The following CSMD1 variants were observed in gnomAD, a reference collection of about 807,000 sequenced individuals.
The protein encoded by CSMD1 is CUB and Sushi multiple domains 1.
CSMD1 carries 213 observed loss-of-function variants against 417.5 expected under a neutral mutation model. The observed-to-expected ratio is 0.51, with a 90% CI of 0.46 to 0.57. CSMD1 has a LOEUF of 0.57. Among genes scored for constraint, CSMD1 ranks in the 20% least tolerant of loss-of-function variants. The pLI is 0.00. For synonymous variants in CSMD1, 2,862 were observed against 1,736.8 expected (o/e 1.65, Z -16.11); for missense variants, 6,923 against 4,529.7 (o/e 1.53, Z -15.17).
At chr8:4,141,725 C>A (rs557560782) in intron 3 of CSMD1, among the ~76,000 whole-genome samples, 1 of 151,024 alleles carries the variant, frequency 6.6e-6, no homozygotes, top group Admixed American at 6.6e-5. Flanking sequence ...AATAATCTTG[C>A]AACTAAAAAC....
intron 2 of CSMD1, among the ~76,000 whole-genome samples, chr8:4,459,613 G>T (rs1207705994): frequency 1.3e-5 from 2 of 152,180 alleles, no homozygotes; most frequent in Non-Finnish European, 2.9e-5. Flanking sequence ...CAGAGAAGAA[G>T]ATCGCATTGT....
At chr8:3,761,434 A>G (rs1459162941) in intron 5 of CSMD1, among the ~76,000 whole-genome samples, 2 of 151,700 alleles carry the variant, frequency 1.3e-5, no homozygotes, top group Non-Finnish European at 2.9e-5. Flanking sequence ...AAAAAAACCC[A>G]TATGGTATAT....
At chr8:3,863,493 C>T (rs999354990) in intron 5 of CSMD1, among the ~76,000 whole-genome samples, 9 of 151,870 alleles carry the variant, frequency 5.9e-5, no homozygotes, top group African/African-American at 1.2e-4. Context: ...CCTCTAAATA[C>T]GAACCACATC....
intron 26 of CSMD1, among the ~76,000 whole-genome samples, chr8:3,262,782 T>C (rs1219913037): frequency 1.3e-5 from 2 of 152,162 alleles, no homozygotes; most frequent in Admixed American, 6.6e-5. Context: ...TTAATAGTTA[T>C]AAAAACATGC....
At chr8:3,523,815 A>G (rs1356816963) in intron 10 of CSMD1, among the ~76,000 whole-genome samples, 4 of 151,070 alleles carry the variant, frequency 2.6e-5, no homozygotes, top group African/African-American at 9.7e-5. Context: ...ACATACACAC[A>G]CGCACATATG....
In CSMD1 at chr8:3,387,626, G is replaced by C; in HGVS notation, c.2650C>G (p.Arg884Gly). ...LDPGIPVNGH[R>G]HGGDFGIRST... ...CTGATGCCAAAGTCTCCACCGTGGC[G>C]ATGGCCGTTCACAGGGATGCCCGGG... Residue 884 changes from arginine to glycine, a missense_variant, in exon 18 of 70, where the codon CGC (arginine) becomes GGC (glycine). By Grantham distance (125) the Arg-to-Gly change is moderately radical. Coordinates refer to ENST00000635120, the MANE Select transcript of CSMD1 (RefSeq NM_033225.6). 1 of 1,600,440 alleles carries C rather than the reference G, an allele frequency of 6.2e-7. No homozygotes were observed. Among genetic ancestry groups the C allele is most frequent in the African/African-American group, 1.3e-5 (1 of 74,770 alleles).
At chr8:3,105,942 T>C (rs1308169699) in intron 46 of CSMD1, among the ~76,000 whole-genome samples, 1 of 152,252 alleles carries the variant, frequency 6.6e-6, no homozygotes, top group African/African-American at 2.4e-5. Context: ...AACTTTGCCA[T>C]GTTTGAACAT....
intron 27 of CSMD1, among the ~76,000 whole-genome samples, chr8:3,229,286 C>T (rs7845677): frequency 0.35 from 53,461 of 152,030 alleles, 10,305 homozygotes; most frequent in Admixed American, 0.47. Context: ...TAAACTGTGA[C>T]AGTTACTTAA....
chr8:3,325,695 G>T (rs1264805527), intron 23 of CSMD1, among the ~76,000 whole-genome samples: 7 of 152,166 alleles, frequency 4.6e-5, no homozygotes, highest in Non-Finnish European at 1.0e-4. Context: ...ATGGTGGCAG[G>T]CGCCTATAAT....
At position 3,994,447 on chromosome 8, in the gene CSMD1, G is replaced by GGAA. The variant is rs776782494; in HGVS notation, c.818+3455_818+3456insTTC. ...TAGGCTACACCATCAAATCTCTTCA[G>GGAA]AAAAAAAAAAAAAAAAAAAGAACAC... On this transcript the variant is annotated intron_variant, in intron 5 of 69. Coordinates refer to ENST00000635120, the MANE Select transcript of CSMD1 (RefSeq NM_033225.6). 3.3e-3 allele frequency among the ~76,000 whole-genome samples: 394 copies of GGAA among 119,112 alleles called. 10 individuals carry two copies. The highest frequency in any genetic ancestry group is 0.01 in the African/African-American group (347 of 33,164). 78.1% of individuals were successfully genotyped at this position (119,112 alleles called of 152,430 possible). A position where few individuals can be genotyped will look rare whatever the true frequency, so the allele number is the denominator to read the frequency against.
At chr8:3,830,569 G>A (rs1802319654) in intron 5 of CSMD1, among the ~76,000 whole-genome samples, 1 of 152,090 alleles carries the variant, frequency 6.6e-6, no homozygotes, top group Non-Finnish European at 1.5e-5. Context: ...CCTCCAATAA[G>A]TTATTATTGA....
intron 5 of CSMD1, among the ~76,000 whole-genome samples, chr8:3,985,543 C>T (rs1055165563): frequency 5.9e-5 from 9 of 152,068 alleles, no homozygotes; most frequent in African/African-American, 1.9e-4. Context: ...TCATTTTACT[C>T]CATGGATTGC....
At chr8:4,198,323 G>C (rs1004379180) in intron 3 of CSMD1, among the ~76,000 whole-genome samples, 1 of 152,252 alleles carries the variant, frequency 6.6e-6, no homozygotes, top group African/African-American at 2.4e-5. Context: ...AGCCCGACAA[G>C]AGTACGTCAT....
chr8:4,536,153 AC>A, intron 2 of CSMD1, among the ~76,000 whole-genome samples: 1 of 152,256 alleles, frequency 6.6e-6, no homozygotes, highest in East Asian at 1.9e-4. Flanking sequence ...ATAAACCGCA[AC>A]TCAGTAAGTA....
intron 41 of CSMD1, among the ~76,000 whole-genome samples, chr8:3,134,598 G>T (rs62490178): frequency 0.035 from 5,376 of 152,280 alleles, 150 homozygotes; most frequent in Non-Finnish European, 0.05. Context: ...GGAGAAAATT[G>T]TTCTTTTTAA....
chr8:3,212,492 G>A (rs1258706386), intron 30 of CSMD1, among the ~76,000 whole-genome samples: 1 of 152,066 alleles, frequency 6.6e-6, no homozygotes, highest in Non-Finnish European at 1.5e-5. Flanking sequence ...GGGACTACAG[G>A]CATGAGCCAC....
chr8:3,453,497 T>C (rs1202403365), intron 12 of CSMD1, among the ~76,000 whole-genome samples: 1 of 152,212 alleles, frequency 6.6e-6, no homozygotes, highest in Non-Finnish European at 1.5e-5. Context: ...GTCCCAGAGA[T>C]TCTGGTATGT....
intron 1 of CSMD1, chr8:4,788,198 A>G (rs979205198): frequency 1.4e-5 from 22 of 1,592,578 alleles, no homozygotes; most frequent in Non-Finnish European, 1.6e-5. Context: ...TTCCATGTGA[A>G]CTTTGAGTAA....
intron 10 of CSMD1, among the ~76,000 whole-genome samples, chr8:3,498,342 A>G (rs534777616): frequency 1.3e-5 from 2 of 152,376 alleles, no homozygotes; most frequent in African/African-American, 4.8e-5. Flanking sequence ...TTAACGATCA[A>G]ATCAGGAGAA....
Sources: gnomAD v4.1 joint callset for allele counts (sites outside exome capture counted in the v4.1 genomes callset) on GRCh38, gnomAD v4.1.1 for gene constraint, MANE v1.5 for transcripts, NCBI Gene and HGNC (gene_info 2026-07-23, HGNC 2026-07-21) for gene names.